The following LIMCH1 variants were observed in gnomAD, a reference collection of about 807,000 sequenced individuals.
LIMCH1 encodes the protein LIM and calponin homology domains-containing protein 1.
Under a neutral mutation model 176.5 loss-of-function variants are expected in LIMCH1, and 113 were observed. The ratio of observed to expected loss-of-function variants is 0.64; its 90% confidence interval spans 0.55 to 0.75. The LOEUF (loss-of-function observed/expected upper bound fraction) is 0.75, where lower values mean the gene tolerates loss of function less well. LIMCH1 is among the 30% of genes least tolerant of loss of function. The pLI is 0.00. For missense variants in LIMCH1, 1,674 were observed against 1,814.9 expected, an observed-to-expected ratio of 0.92 and a Z score of 1.41; for synonymous variants, 619 against 645.9, an observed-to-expected ratio of 0.96 and a Z score of 0.63.
At chr4:41,501,953 T>C (rs989687653) in intron 2 of LIMCH1, among the ~76,000 whole-genome samples, 3 of 147,968 alleles carry the variant, frequency 2.0e-5, no homozygotes, top group Non-Finnish European at 4.4e-5. Flanking sequence ...GTTTGTTACA[T>C]AGGTAAATGT....
intron 1 of LIMCH1, chr4:41,453,796 C>T (rs1163661740): frequency 6.6e-6 from 1 of 152,212 alleles, no homozygotes; most frequent in Non-Finnish European, 1.5e-5. Context: ...TTAATACTCT[C>T]TCATGTCACT....
intron 1 of LIMCH1, among the ~76,000 whole-genome samples, chr4:41,539,782 C>T (rs999283058): frequency 2.6e-5 from 4 of 152,178 alleles, no homozygotes; most frequent in African/African-American, 9.7e-5. Context: ...GAAGAACTCA[C>T]TCTTGAGTTT....
intron 27 of LIMCH1, among the ~76,000 whole-genome samples, chr4:41,684,955 C>G (rs1037183353): frequency 6.6e-6 from 1 of 152,130 alleles, no homozygotes; most frequent in South Asian, 2.1e-4. Context: ...CCACCTGTGT[C>G]TCCCACGCTC....
chr4:41,521,159 C>T (rs1404442428), intron 2 of LIMCH1, among the ~76,000 whole-genome samples: 1 of 152,092 alleles, frequency 6.6e-6, no homozygotes, highest in South Asian at 2.1e-4. Context: ...TGTTTTGTCT[C>T]GAATTATGCT....
At chr4:41,649,629 A>G (rs969501429) in intron 17 of LIMCH1, among the ~76,000 whole-genome samples, 12 of 152,196 alleles carry the variant, frequency 7.9e-5, no homozygotes, top group Admixed American at 3.9e-4. Context: ...CCAGGTTTCA[A>G]TCAGGTCACC....
In LIMCH1 at chr4:41,633,800, A is replaced by G. The variant is rs2093445595; in HGVS notation, c.2082A>G (p.Lys694=). 5 of 1,535,608 alleles carry G rather than the reference A, an allele frequency of 3.3e-6. No individual in the cohort carries two copies. The highest frequency in any genetic ancestry group is 1.4e-5 in the African/African-American group (1 of 73,054). Residue 694 remains lysine (K), a synonymous_variant, in exon 13 of 32, where the codon AAA becomes AAG. Coordinates refer to ENST00000503057, the MANE Select transcript of LIMCH1 (RefSeq NM_001330672.2). ...VEESSKGLPM[K]DQRYGPRTPV... ...AATCTTCTAAAGGTCTACCCATGAA[A>G]GATCAGAGGTCAGAAAGTTATTCTG... is the stretch of plus-strand genomic sequence containing the variant.
At chr4:41,588,935 C>T (rs550155969) in intron 1 of LIMCH1, among the ~76,000 whole-genome samples, 2 of 152,294 alleles carry the variant, frequency 1.3e-5, no homozygotes, top group South Asian at 4.2e-4. Context: ...ATCCTTCTTC[C>T]AGTGGAGGCA....
At chr4:41,631,677 G>C (rs1316297481) in intron 10 of LIMCH1, among the ~76,000 whole-genome samples, 200 bp downstream of exon 10, 1 of 152,206 alleles carries the variant, frequency 6.6e-6, no homozygotes. Flanking sequence ...TTTTGATTCT[G>C]TTGTCACCAG....
At chr4:41,469,847 A>C (rs991996131) in intron 1 of LIMCH1, among the ~76,000 whole-genome samples, 1 of 151,644 alleles carries the variant, frequency 6.6e-6, no homozygotes. Context: ...AGGCTCAGCT[A>C]ATTTTTGTGT....
chr4:41,375,234 T>C (rs911221080), intron 1 of LIMCH1, among the ~76,000 whole-genome samples: 1 of 152,234 alleles, frequency 6.6e-6, no homozygotes, highest in Non-Finnish European at 1.5e-5. Flanking sequence ...TATAAGATTA[T>C]AAGCTGGGAG....
intron 2 of LIMCH1, among the ~76,000 whole-genome samples, chr4:41,506,435 C>T (rs903237396): frequency 6.6e-6 from 1 of 152,048 alleles, no homozygotes; most frequent in Non-Finnish European, 1.5e-5. Flanking sequence ...TGTTGGCTAT[C>T]GACCATGTGC....
rs2075305680 is a variant in LIMCH1 at position 41,514,123 on chromosome 4, TC to T, written c.168-10284del. Among the ~76,000 whole-genome samples the T allele has an allele frequency of 2.0e-5, 3 of 150,848 alleles. No individual in the cohort carries two copies. In the South Asian group the frequency reaches 6.3e-4, roughly 32 times the overall value. ...ATAGTTCCAAAACTGATGTTTTGAG[TC>T]CTTCCCAATACTTTATAATGTTGCT... On this transcript the variant is annotated intron_variant, in intron 2 of 26. Transcript: ENST00000313860.
At chr4:41,361,019 T>C in intron 1 of LIMCH1, 1 of 989,968 alleles carries the variant, frequency 1.0e-6, no homozygotes. Flanking sequence ...AGGTCCAGCC[T>C]TGCCTCCCCC....
chr4:41,587,001 T>G (rs2086615070), intron 1 of LIMCH1, among the ~76,000 whole-genome samples: 1 of 152,144 alleles, frequency 6.6e-6, no homozygotes. Flanking sequence ...CCAAGCAGAG[T>G]TAATTAAGTA....
rs368583411 is a variant in LIMCH1, at chr4:41,596,972, G to T, written c.-240-1948G>T. 9.2e-5 allele frequency among the ~76,000 whole-genome samples: 14 copies of T among 152,226 alleles called. No individual in the cohort carries two copies. In the East Asian group the frequency reaches 1.4e-3, roughly 15 times the overall value. ...GTAGTAACTCGTCATTGTTCTCCCT[G>T]TCTCCCATCTTCTTCCTTTTTAGTA... On this transcript the variant is annotated intron_variant, in intron 1 of 31. Transcript: ENST00000503057.
At chr4:41,695,607 A>G (rs1730040264) in intron 31 of LIMCH1, among the ~76,000 whole-genome samples, 1 of 152,104 alleles carries the variant, frequency 6.6e-6, no homozygotes, top group Non-Finnish European at 1.5e-5. Flanking sequence ...GCTTCATAAT[A>G]TGTTTTAATA....
At chr4:41,529,559 T>C (rs2077038057) in intron 3 of LIMCH1, among the ~76,000 whole-genome samples, 1 of 152,152 alleles carries the variant, frequency 6.6e-6, no homozygotes, top group Admixed American at 6.5e-5. Context: ...GACATGTGGG[T>C]CCATAAAGGG....
intron 1 of LIMCH1, among the ~76,000 whole-genome samples, chr4:41,538,591 T>C (rs1447397929): frequency 6.6e-6 from 1 of 151,884 alleles, no homozygotes; most frequent in East Asian, 1.9e-4. Flanking sequence ...GAAAGCATTG[T>C]TTTTTATTTT....
intron 1 of LIMCH1, among the ~76,000 whole-genome samples, chr4:41,437,431 A>T (rs73140619): frequency 1.2e-3 from 190 of 152,350 alleles, no homozygotes; most frequent in African/African-American, 4.3e-3. Flanking sequence ...GAACCATTGT[A>T]AGTGGTGACA....
Sources: allele counts gnomAD v4.1 joint callset (sites outside exome capture counted in the v4.1 genomes callset), GRCh38; gene constraint gnomAD v4.1.1; transcripts MANE v1.5; gene names NCBI Gene and HGNC (gene_info 2026-07-23, HGNC 2026-07-21).